ANAPC16: variants seen among roughly 807,000 people sequenced by gnomAD.
ANAPC16 encodes anaphase promoting complex subunit 16.
Under a neutral mutation model 13.1 loss-of-function variants are expected in ANAPC16, and 6 were observed. That is an observed-to-expected ratio of 0.46 (90% CI 0.25 to 0.90). ANAPC16 has a LOEUF of 0.90. Among genes scored for constraint, ANAPC16 ranks in the 40% least tolerant of loss-of-function variants. ANAPC16 has a pLI of 0.18. For synonymous variants in ANAPC16, 55 were observed against 51.3 expected (o/e 1.07, Z -0.31); for missense variants, 113 against 131.1 (o/e 0.86, Z 0.67).
At chr10:72,218,931 A>C (rs1859786908) in intron 1 of ANAPC16, among the ~76,000 whole-genome samples, 1 of 152,198 alleles carries the variant, frequency 6.6e-6, no homozygotes, top group Admixed American at 6.5e-5. Context: ...ACAGGATGAA[A>C]GGGAGTTCGT....
chr10:72,232,955 T>C, intron 3 of ANAPC16, 46 bp from the exon 4 acceptor site: 2 of 1,496,168 alleles, frequency 1.3e-6, no homozygotes, highest in Non-Finnish European at 1.9e-6. Flanking sequence ...GGCAGTCTCT[T>C]GGGTAATACG....
intron 1 of ANAPC16, among the ~76,000 whole-genome samples, chr10:72,221,752 CAG>C (rs1317120587): frequency 3.0e-5 from 4 of 135,266 alleles, no homozygotes; most frequent in Admixed American, 7.7e-5. Flanking sequence ...TTTTTTGAGA[CAG>C]AGTCTCACTC....
intron 2 of ANAPC16, among the ~76,000 whole-genome samples, chr10:72,227,361 A>T (rs1860153893): frequency 1.3e-5 from 2 of 152,138 alleles, no homozygotes; most frequent in Admixed American, 1.3e-4. Flanking sequence ...TTCATGGAGA[A>T]ATGTGTTGTG....
At chr10:72,216,849 A>C (rs1341763601) in intron 1 of ANAPC16, 1 of 456,208 alleles carries the variant, frequency 2.2e-6, no homozygotes, top group Non-Finnish European at 4.4e-6. Flanking sequence ...AGGATACTTC[A>C]TCATCAGTAT....
At chr10:72,218,168 ATATATATATATATATATAT>A (rs1564789473) in intron 1 of ANAPC16, among the ~76,000 whole-genome samples, 819 of 19,742 alleles carry the variant, frequency 0.041, 111 homozygotes, top group African/African-American at 0.093. Flanking sequence ...AAAAAAAAAT[ATATATATATATATATATAT>A]ATATATATAT....
In ANAPC16 at chr10:72,228,447, A is replaced by G. The variant is rs565500184; in HGVS notation, c.143-1919A>G. 3.3e-5 allele frequency among the ~76,000 whole-genome samples: 5 copies of G among 152,228 alleles called. No homozygotes were observed. The South Asian group carries it at 1.0e-3, about 32-fold the overall frequency. On this transcript the variant is annotated intron_variant, in intron 2 of 3. Transcript: ENST00000299381. ...TGTGAGGTAATATTCTTTTTAATGT[A>G]TTTGTTACCATCCTTATTTATTGGA... is the stretch of plus-strand genomic sequence containing the variant.
At chr10:72,217,275 C>G in intron 1 of ANAPC16, 4 of 348,688 alleles carry the variant, frequency 1.1e-5, no homozygotes, top group South Asian at 8.8e-5. Flanking sequence ...GAGATCGAGA[C>G]CATCCTGGCT....
rs1369570367 is a variant in ANAPC16 at position 72,216,694 on chromosome 10, T to C, written c.-28+556T>C. ...AAAGGAATTTATATTCATAAATATA[T>C]GAATGCGAGGTCATCCCTGCCGTAC... On this transcript the variant is annotated intron_variant, in intron 1 of 3. Coordinates refer to ENST00000299381, the MANE Select transcript of ANAPC16 (RefSeq NM_173473.4). The C allele has an allele frequency of 6.3e-5, 24 of 380,422 alleles. No homozygotes were observed. The East Asian group carries it at 1.7e-3, about 28-fold the overall frequency. 23.6% of individuals were successfully genotyped at this position (380,422 alleles called of 1,614,324 possible).
At chr10:72,225,391 G>A (rs1294119057) in intron 2 of ANAPC16, among the ~76,000 whole-genome samples, 1 of 151,932 alleles carries the variant, frequency 6.6e-6, no homozygotes, top group African/African-American at 2.4e-5. Context: ...CAGCATCCAG[G>A]CCCTTCTCAT....
rs748761104 is a variant in ANAPC16 at position 72,233,130 on chromosome 10, G to A, written c.*14G>A. The A allele has an allele frequency of 6.2e-7, 1 of 1,607,430 alleles. No homozygotes were observed. The highest frequency in any genetic ancestry group is 8.5e-7 in the Non-Finnish European group (1 of 1,174,248). On this transcript the variant is annotated 3_prime_UTR_variant, in exon 4 of 4. Transcript: ENST00000299381. ...TCTTCAGGTTGATACTGCCTGGATGGTCACCTCTGGTGCGCAGCAAGTGCA... is the reference window on the plus strand; with the variant it reads ...TCTTCAGGTTGATACTGCCTGGATGATCACCTCTGGTGCGCAGCAAGTGCA...
chr10:72,221,062 G>A (rs1178349552), intron 1 of ANAPC16, among the ~76,000 whole-genome samples: 1 of 151,946 alleles, frequency 6.6e-6, no homozygotes, highest in African/African-American at 2.4e-5. Context: ...GATTACAGGC[G>A]CCTGCCACCA....
In ANAPC16 at chr10:72,234,565, T is replaced by C. The variant is rs188112239; in HGVS notation, c.*1449T>C. 137 of 152,328 alleles carry C rather than the reference T, an allele frequency of 9.0e-4. 1 individual carries two copies. Among genetic ancestry groups the C allele is most frequent in the African/African-American group, 3.2e-3 (131 of 41,564 alleles). 9.4% of individuals were successfully genotyped at this position (152,328 alleles called of 1,614,324 possible). On this transcript the variant is annotated 3_prime_UTR_variant, in exon 4 of 4. Transcript: ENST00000299381. ...ATCATTTATTACGTTGTATGCAAAT[T>C]TTGCCTTAGACAACATTTGTCTGGT...
Position 72,234,201 on chromosome 10 carries a change from T to C in ANAPC16, c.*1085T>C. 1 of 152,000 alleles carries C rather than the reference T, an allele frequency of 6.6e-6. No individual in the cohort carries two copies. Among genetic ancestry groups the C allele is most frequent in the East Asian group, 1.9e-4 (1 of 5,182 alleles). 9.4% of individuals were successfully genotyped at this position (152,000 alleles called of 1,614,324 possible). A position where few individuals can be genotyped will look rare whatever the true frequency, so the allele number is the denominator to read the frequency against. ...TTTTGTATATTTAGTAGAGACGGGG[T>C]TTCACCATGTTGACCAGGCTAGTCT... On this transcript the variant is annotated 3_prime_UTR_variant, in exon 4 of 4. Coordinates refer to ENST00000299381, the MANE Select transcript of ANAPC16 (RefSeq NM_173473.4).
rs1860383478 is a variant in ANAPC16 at position 72,233,280 on chromosome 10, T to C, written c.*164T>C. ...TCTATTCACAGGCAACAAATACTTA[T>C]ATGTGTGATCTTTCAGGGAATGTTT... On this transcript the variant is annotated 3_prime_UTR_variant, in exon 4 of 4. Transcript: ENST00000299381. The C allele has an allele frequency of 1.2e-5, 7 of 561,052 alleles. No individual in the cohort carries two copies. Among genetic ancestry groups the C allele is most frequent in the Middle Eastern group, 4.7e-4 (1 of 2,110 alleles). 34.8% of individuals were successfully genotyped at this position (561,052 alleles called of 1,614,324 possible). A position where few individuals can be genotyped will look rare whatever the true frequency, so the allele number is the denominator to read the frequency against.
chr10:72,228,917 A>G (rs2133687606), intron 2 of ANAPC16, among the ~76,000 whole-genome samples: 1 of 152,338 alleles, frequency 6.6e-6, no homozygotes, highest in South Asian at 2.1e-4. Context: ...TGGCACTTTC[A>G]GGAGCTTCCA....
At position 72,223,860 on chromosome 10, in the gene ANAPC16, G is replaced by A. The variant is rs544227014; in HGVS notation, c.-27-28G>A. Reference sequence around the variant, plus strand: ...TTGTCACTCTCACTTCCATAAACTTGCCAATTGCTGTTTTTCTTTCTCTGT... The same window carrying A: ...TTGTCACTCTCACTTCCATAAACTTACCAATTGCTGTTTTTCTTTCTCTGT... On this transcript the variant is annotated intron_variant, in intron 1 of 3. Transcript: ENST00000299381. 8.9e-6 allele frequency: 13 copies of A among 1,462,830 alleles called. No homozygotes were observed. In the East Asian group the frequency reaches 2.7e-4, roughly 30 times the overall value. The allele number at this position is 1,462,830 out of a possible 1,614,324, so 90.6% of individuals were successfully genotyped here.
intron 3 of ANAPC16, among the ~76,000 whole-genome samples, chr10:72,230,952 T>A (rs1342755474): frequency 6.6e-6 from 1 of 152,162 alleles, no homozygotes; most frequent in Non-Finnish European, 1.5e-5. Flanking sequence ...TACTTTTTCC[T>A]CTCCTGTCTG....
At chr10:72,227,717 C>A (rs1316191564) in intron 2 of ANAPC16, among the ~76,000 whole-genome samples, 1 of 151,786 alleles carries the variant, frequency 6.6e-6, no homozygotes, top group Non-Finnish European at 1.5e-5. Context: ...ATGTACCTGA[C>A]CAATAATAGT....
intron 1 of ANAPC16, among the ~76,000 whole-genome samples, chr10:72,219,617 G>C (rs1421920663): frequency 6.6e-6 from 1 of 152,128 alleles, no homozygotes; most frequent in Non-Finnish European, 1.5e-5. Context: ...CGTGCCTGTA[G>C]TCCCAACTAC....
Sources: gnomAD v4.1 joint callset for allele counts (sites outside exome capture counted in the v4.1 genomes callset) on GRCh38, gnomAD v4.1.1 for gene constraint, MANE v1.5 for transcripts, NCBI Gene and HGNC (gene_info 2026-07-23, HGNC 2026-07-21) for gene names.